RASA3: variants seen among roughly 807,000 people sequenced by gnomAD.
RASA3 encodes the protein ras GTPase-activating protein 3.
RASA3 carries 73 observed loss-of-function variants against 110.0 expected under a neutral mutation model. That is an observed-to-expected ratio of 0.66 (90% confidence interval 0.55 to 0.81). The LOEUF is 0.81. Among genes scored for constraint, RASA3 ranks in the 30% least tolerant of loss-of-function variants. RASA3 has a pLI of 0.00. For synonymous variants in RASA3, 500 were observed against 451.4 expected (o/e 1.11, Z -1.37); for missense variants, 976 against 1,113.2 (o/e 0.88, Z 1.75).
At chr13:114,017,427 G>T in intron 11 of RASA3, 76 bp from the exon 12 acceptor site, 1 of 1,138,962 alleles carries the variant, frequency 8.8e-7, no homozygotes, top group Non-Finnish European at 1.3e-6. Context: ...CTGGCCCCGA[G>T]CACCTGCCTG....
intron 1 of RASA3, among the ~76,000 whole-genome samples, chr13:114,128,213 C>T (rs955416809): frequency 2.0e-5 from 3 of 152,246 alleles, no homozygotes; most frequent in African/African-American, 7.2e-5. Context: ...CACTGTCAGA[C>T]AGACACGGGG....
intron 1 of RASA3, among the ~76,000 whole-genome samples, chr13:114,102,062 C>A (rs2080067324): frequency 6.6e-6 from 1 of 152,218 alleles, no homozygotes; most frequent in Non-Finnish European, 1.5e-5. Flanking sequence ...CAGTCCCCAG[C>A]CTTGAGCGGA....
Position 114,102,402 on chromosome 13 carries a change from T to TGAGAGGGAGAGGGACAGAGA in RASA3, c.56-28585_56-28566dup, listed in dbSNP as rs2080071733. 4.0e-5 allele frequency among the ~76,000 whole-genome samples: 6 copies of TGAGAGGGAGAGGGACAGAGA among 151,758 alleles called. 1 individual carries two copies. Among genetic ancestry groups the TGAGAGGGAGAGGGACAGAGA allele is most frequent in the African/African-American group, 1.5e-4 (6 of 41,314 alleles). On this transcript the variant is annotated intron_variant, in intron 1 of 23. Transcript: ENST00000334062. Reference sequence around the variant, plus strand: ...AAGAGAGACGGAGACAGAGAGACGGTGAGAGGGAGAGGGACAGAGAGGGAG... The same window carrying TGAGAGGGAGAGGGACAGAGA: ...AAGAGAGACGGAGACAGAGAGACGGTGAGAGGGAGAGGGACAGAGAGAGAGGGAGAGGGACAGAGAGGGAG...
At chr13:113,991,506 GAAAC>G (rs1459406672) in intron 22 of RASA3, among the ~76,000 whole-genome samples, 2 of 152,232 alleles carry the variant, frequency 1.3e-5, no homozygotes, top group African/African-American at 4.8e-5. Flanking sequence ...CACTGGCATA[GAAAC>G]AAACGCAGCT....
At position 114,014,121 on chromosome 13, in the gene RASA3, T is replaced by C. The variant is rs1183151323; in HGVS notation, c.1406-873A>G. Among the ~76,000 whole-genome samples the C allele has an allele frequency of 6.6e-6, 1 of 150,816 alleles. No individual in the cohort carries two copies. The highest frequency in any genetic ancestry group is 1.5e-5 in the Non-Finnish European group (1 of 67,928). ...GTCTCTCCCTGTCTCTCTCTCTCTC[T>C]CCTTGTCTCTCTCTGTCTCTCTCCT... On this transcript the variant is annotated intron_variant, in intron 14 of 23. Coordinates refer to ENST00000334062, the MANE Select transcript of RASA3 (RefSeq NM_007368.4). This position sits in a 1 kb window ranked among gnomAD's most constrained non-coding sequence, Gnocchi z 4.5.
intron 21 of RASA3, among the ~76,000 whole-genome samples, chr13:113,993,845 A>C (rs563658858): frequency 1.1e-3 from 174 of 151,746 alleles, no homozygotes; most frequent in African/African-American, 4.0e-3. Flanking sequence ...AAGAAAAGAA[A>C]ATCTACATTG....
intron 2 of RASA3, among the ~76,000 whole-genome samples, chr13:114,067,512 C>T (rs2079475990): frequency 6.6e-6 from 1 of 152,234 alleles, no homozygotes; most frequent in African/African-American, 2.4e-5. Context: ...AATGAACCGT[C>T]TGTCTCCCAA....
intron 7 of RASA3, among the ~76,000 whole-genome samples, chr13:114,027,147 T>G (rs552252378): frequency 3.5e-4 from 54 of 152,312 alleles, no homozygotes; most frequent in African/African-American, 1.1e-3. Flanking sequence ...GAAGGTCCTG[T>G]GGCCACGGGT....
intron 21 of RASA3, among the ~76,000 whole-genome samples, chr13:113,995,644 T>C: frequency 9.4e-6 from 1 of 106,144 alleles, no homozygotes. Context: ...GGGGCCCAGC[T>C]GACGGGGGGC....
At chr13:114,082,254 C>T (rs941065068) in intron 1 of RASA3, among the ~76,000 whole-genome samples, 1 of 152,224 alleles carries the variant, frequency 6.6e-6, no homozygotes. Context: ...AGGACATCAC[C>T]GCAACAGCAG....
At chr13:114,002,129 T>G (rs994384424) in intron 18 of RASA3, among the ~76,000 whole-genome samples, 1 of 152,080 alleles carries the variant, frequency 6.6e-6, no homozygotes, top group African/African-American at 2.4e-5. Flanking sequence ...ACAGAGTGAC[T>G]GGAGGACAGA....
intron 4 of RASA3, among the ~76,000 whole-genome samples, chr13:114,039,020 C>A (rs926524833): frequency 6.6e-6 from 1 of 152,246 alleles, no homozygotes; most frequent in Non-Finnish European, 1.5e-5. Flanking sequence ...GTGGCACACA[C>A]GCCATACCAG....
chr13:114,011,542 C>T lies in RASA3; in HGVS notation c.1513-294G>A, dbSNP rs1361617465. On this transcript the variant is annotated intron_variant, in intron 15 of 23. Coordinates refer to ENST00000334062, the MANE Select transcript of RASA3 (RefSeq NM_007368.4). This position sits in a 1 kb window ranked among gnomAD's most constrained non-coding sequence, Gnocchi z 4.8. ...TCGAAAGCATCAGGTGGGGTCATGG[C>T]TCTGGGGCGCTGAGTCTCGGGGTGC... 6.6e-6 allele frequency among the ~76,000 whole-genome samples: 1 copy of T among 152,108 alleles called. No individual in the cohort carries two copies. Among genetic ancestry groups the T allele is most frequent in the Non-Finnish European group, 1.5e-5 (1 of 68,016 alleles).
chr13:114,087,974 A>T (rs1011617862), intron 1 of RASA3, among the ~76,000 whole-genome samples: 3 of 152,214 alleles, frequency 2.0e-5, no homozygotes, highest in Non-Finnish European at 4.4e-5. Context: ...TACTAAAAAT[A>T]CAAAAAATTA....
chr13:113,998,438 G>A (rs753595171), intron 20 of RASA3, among the ~76,000 whole-genome samples: 5 of 152,220 alleles, frequency 3.3e-5, no homozygotes, highest in Admixed American at 6.5e-5. Context: ...ACTTTGGCAC[G>A]AGGCCCAGGG....
intron 1 of RASA3, among the ~76,000 whole-genome samples, chr13:114,109,530 C>T (rs1164586460): frequency 1.3e-5 from 2 of 152,146 alleles, no homozygotes; most frequent in African/African-American, 4.8e-5. Flanking sequence ...GGGCTGCGGA[C>T]GTTGACACAG....
intron 1 of RASA3, among the ~76,000 whole-genome samples, chr13:114,099,978 C>A (rs1332782532): frequency 1.3e-5 from 1 of 79,318 alleles, no homozygotes; most frequent in South Asian, 5.2e-4. Context: ...GATGCTCACA[C>A]GCACAGTTTT....
intron 1 of RASA3, among the ~76,000 whole-genome samples, chr13:114,125,796 C>T (rs1022257736): frequency 3.3e-5 from 5 of 152,142 alleles, no homozygotes; most frequent in Non-Finnish European, 5.9e-5. Context: ...TGCTCTGACC[C>T]GCGGCTGCGT....
In RASA3 at chr13:113,977,995, G is replaced by A. The variant is rs76680734; in HGVS notation, c.*1352C>T. On this transcript the variant is annotated 3_prime_UTR_variant, in exon 24 of 24. Coordinates refer to ENST00000334062, the MANE Select transcript of RASA3 (RefSeq NM_007368.4). The stretch of plus-strand genomic sequence containing the variant: ...TTCCTATCTGCCATCTAGATCAAGA[G>A]CCTGAACTACAGTATTTTCAAACAA... 2.6e-5 allele frequency: 4 copies of A among 152,146 alleles called. No individual in the cohort carries two copies. Among genetic ancestry groups the A allele is most frequent in the Non-Finnish European group, 1.5e-5 (1 of 68,032 alleles). The allele number at this position is 152,146 out of a possible 1,614,324, so 9.4% of individuals were successfully genotyped here.
Sources: gnomAD v4.1 joint callset for allele counts (sites outside exome capture counted in the v4.1 genomes callset) on GRCh38, gnomAD v4.1.1 for gene constraint, Gnocchi (gnomAD v3.1) non-coding constraint, MANE v1.5 for transcripts, NCBI Gene and HGNC (gene_info 2026-07-23, HGNC 2026-07-21) for gene names.